The following CLEC12A variants were observed in gnomAD, a reference collection of about 807,000 sequenced individuals.
CLEC12A encodes the protein C-type lectin protein CLL-1.
Under a neutral mutation model 26.5 loss-of-function variants are expected in CLEC12A, and 22 were observed. The ratio of observed to expected loss-of-function variants is 0.83; its 90% confidence interval spans 0.59 to 1.19. The LOEUF is 1.19. Among genes scored for constraint, CLEC12A ranks in the 50% most tolerant of loss-of-function variants. CLEC12A has a pLI of 0.00. For missense variants in CLEC12A, 353 were observed against 315.6 expected, an observed-to-expected ratio of 1.12 and a Z score of -0.90; for synonymous variants, 119 against 101.9, an observed-to-expected ratio of 1.17 and a Z score of -1.01.
intron 1 of CLEC12A, 143 bp downstream of exon 1, chr12:9,971,830 T>C (rs1591822629): frequency 8.2e-6 from 5 of 612,922 alleles, no homozygotes; most frequent in Non-Finnish European, 1.3e-5. Context: ...GAACAAAAAG[T>C]GTATGAACAA....
intron 1 of CLEC12A, among the ~76,000 whole-genome samples, chr12:9,953,492 G>A (rs1478350571): frequency 1.8e-5 from 2 of 112,600 alleles, no homozygotes; most frequent in African/African-American, 5.5e-5. Context: ...CAGCCGCCCC[G>A]TCCGGGAGGT....
intron 4 of CLEC12A, among the ~76,000 whole-genome samples, chr12:9,993,574 A>AAG (rs1229019043): frequency 6.6e-6 from 1 of 152,084 alleles, no homozygotes; most frequent in Admixed American, 6.6e-5. Flanking sequence ...GCTCCAAAAT[A>AAG]ATGGGAAAAC....
At chr12:9,991,912 G>C (rs988969417) in intron 4 of CLEC12A, 6 of 152,098 alleles carry the variant, frequency 3.9e-5, no homozygotes, top group African/African-American at 1.4e-4. Context: ...AAGACTACTT[G>C]TATGAGAATT....
rs1259359563 is a variant in CLEC12A at position 9,982,015 on chromosome 12, T to G, written c.532-5T>G. 2.2e-6 allele frequency: 3 copies of G among 1,387,804 alleles called. No homozygotes were observed. The highest frequency in any genetic ancestry group is 3.1e-6 in the Non-Finnish European group (3 of 979,680). The allele number at this position is 1,387,804 out of a possible 1,614,324, so 86.0% of individuals were successfully genotyped here. On this transcript the variant is annotated splice_region_variant and splice_polypyrimidine_tract_variant and intron_variant, in intron 4 of 5. Transcript: ENST00000304361. ...TCTTAAACAGACTATCTGTATTTCCTGTAGGAATTTATAAAATCCCAGAGT... is the reference window on the plus strand; with the variant it reads ...TCTTAAACAGACTATCTGTATTTCCGGTAGGAATTTATAAAATCCCAGAGT...
At chr12:9,959,465 A>G (rs1311898118) in intron 1 of CLEC12A, among the ~76,000 whole-genome samples, 3 of 150,972 alleles carry the variant, frequency 2.0e-5, no homozygotes, top group African/African-American at 4.9e-5. Context: ...AAAAAAAAAA[A>G]AAGAAGAAAG....
At chr12:9,975,619 T>A (rs1182000179) in intron 1 of CLEC12A, among the ~76,000 whole-genome samples, 1 of 152,180 alleles carries the variant, frequency 6.6e-6, no homozygotes, top group Non-Finnish European at 1.5e-5. Flanking sequence ...TCAGAAAATT[T>A]GTGGCTTGAC....
chr12:9,954,988 G>A (rs2137091046), intron 1 of CLEC12A, among the ~76,000 whole-genome samples: 1 of 152,296 alleles, frequency 6.6e-6, no homozygotes, highest in South Asian at 2.1e-4. Flanking sequence ...AATTATCTTT[G>A]TGTGATTTTT....
In CLEC12A at chr12:9,958,717, A is replaced by G. The variant is rs192742954; in HGVS notation, c.10+7361A>G. ...AACAGGACCAGATTAGGATTAAACA[A>G]GTTTTACCGGCAGTCTGAAGAAACT... On this transcript the variant is annotated intron_variant, in intron 1 of 6. Transcript: ENST00000355690. 1.2e-4 allele frequency among the ~76,000 whole-genome samples: 18 copies of G among 152,352 alleles called. No homozygotes were observed. The East Asian group carries it at 3.1e-3, about 26-fold the overall frequency.
At chr12:9,962,842 C>T (rs530878235) in intron 1 of CLEC12A, among the ~76,000 whole-genome samples, 2 of 152,280 alleles carry the variant, frequency 1.3e-5, no homozygotes, top group East Asian at 1.9e-4. Flanking sequence ...AGAGGCCTGA[C>T]ATTCCTGTCT....
downstream of CLEC12A, among the ~76,000 whole-genome samples, chr12:9,990,067 A>G (rs1230040386): frequency 2.6e-5 from 4 of 152,160 alleles, no homozygotes; most frequent in East Asian, 7.7e-4. Flanking sequence ...TCAAAATATT[A>G]CAGCTCATTG....
the CLEC12A span, among the ~76,000 whole-genome samples, chr12:10,003,383 G>A: frequency 2.6e-5 from 4 of 151,908 alleles, no homozygotes; most frequent in Non-Finnish European, 4.4e-5. Context: ...GGAAACTGAA[G>A]GAAAAAATGT....
At chr12:9,983,575 A>G in intron 5 of CLEC12A, 1 of 689,422 alleles carries the variant, frequency 1.5e-6, no homozygotes, top group East Asian at 2.7e-5. Context: ...CCTGCTGGAC[A>G]CTATTGGAAG....
chr12:9,964,575 G>A (rs771188523), intron 1 of CLEC12A, among the ~76,000 whole-genome samples: 15 of 152,186 alleles, frequency 9.9e-5, no homozygotes, highest in Non-Finnish European at 1.9e-4. Flanking sequence ...CTCTGAGAGG[G>A]AGTTAAGAGT....
At chr12:9,978,563 A>G (rs988225097) in intron 1 of CLEC12A, among the ~76,000 whole-genome samples, 9 of 152,094 alleles carry the variant, frequency 5.9e-5, no homozygotes, top group Non-Finnish European at 1.3e-4. Flanking sequence ...ACAATTGTCT[A>G]CTCAAGCAAA....
upstream of CLEC12A, among the ~76,000 whole-genome samples, chr12:9,968,070 G>A (rs1864007433): frequency 6.6e-6 from 1 of 152,190 alleles, no homozygotes; most frequent in Non-Finnish European, 1.5e-5. Context: ...GGAGAAAGAG[G>A]TTGAGGGATA....
chr12:9,981,353 C>A (rs756232041), intron 4 of CLEC12A, among the ~76,000 whole-genome samples: 2 of 152,108 alleles, frequency 1.3e-5, no homozygotes, highest in Non-Finnish European at 2.9e-5. Context: ...TATTACATAG[C>A]ATTTTTGGTC....
intron 1 of CLEC12A, among the ~76,000 whole-genome samples, chr12:9,954,304 G>A (rs1863706010): frequency 6.6e-6 from 1 of 151,266 alleles, no homozygotes; most frequent in Non-Finnish European, 1.5e-5. Flanking sequence ...AGACCAGCCT[G>A]GGCAACATGG....
downstream of CLEC12A, chr12:9,999,211 G>A: frequency 1.5e-6 from 1 of 679,880 alleles, no homozygotes; most frequent in Non-Finnish European, 2.5e-6. Flanking sequence ...TCTTTAGTAG[G>A]GTAGAACCAT....
At chr12:9,984,842 A>G (rs1864706793) in intron 5 of CLEC12A, 28 bp from the exon 6 acceptor site, 1 of 1,403,294 alleles carries the variant, frequency 7.1e-7, no homozygotes. Context: ...CTGACTTGCC[A>G]AGTGTAATTC....
Sources: allele counts gnomAD v4.1 joint callset (sites outside exome capture counted in the v4.1 genomes callset), GRCh38; gene constraint gnomAD v4.1.1; transcripts MANE v1.5; gene names NCBI Gene and HGNC (gene_info 2026-07-23, HGNC 2026-07-21).